The following PTPRK variants were observed in gnomAD, a reference collection of about 807,000 sequenced individuals.
PTPRK encodes receptor-type tyrosine-protein phosphatase kappa.
In PTPRK, 75 loss-of-function variants were observed where a neutral mutation model predicts 178.0. The observed-to-expected ratio is 0.42, with a 90% CI of 0.35 to 0.51. The LOEUF (loss-of-function observed/expected upper bound fraction) is 0.51, where lower values mean the gene tolerates loss of function less well. Among genes scored for constraint, PTPRK ranks in the 20% least tolerant of loss-of-function variants. The pLI is 0.02. For missense variants in PTPRK, 1,441 were observed against 1,797.8 expected, an observed-to-expected ratio of 0.80 and a Z score of 3.59; for synonymous variants, 637 against 620.6, an observed-to-expected ratio of 1.03 and a Z score of -0.39.
Position 128,218,960 on chromosome 6 carries a change from C to T in PTPRK, c.830G>A (p.Gly277Asp). 2.5e-6 allele frequency: 4 copies of T among 1,613,978 alleles called. No individual in the cohort carries two copies. The highest frequency in any genetic ancestry group is 3.4e-6 in the Non-Finnish European group (4 of 1,179,950). The part of the protein sequence containing the change: ...LYRCVTQSER[G>D]SGVSNFAQLI... ...TTGAGCAAAATTGGACACACCGGAA[C>T]CTCGTTCTGACTGAGTTACACAGCG... The change falls in exon 6 of 30, where the codon GGT becomes GAT. Residue 277 changes from glycine (G) to aspartate (D), a missense_variant. This residue lies in a region of PTPRK where 945 missense variants were observed against 1,080.6 expected (regional missense o/e 0.87). Transcript: ENST00000368226.
intron 6 of PTPRK, among the ~76,000 whole-genome samples, chr6:128,204,214 T>C (rs1806504956): frequency 6.6e-6 from 1 of 152,196 alleles, no homozygotes; most frequent in Non-Finnish European, 1.5e-5. Flanking sequence ...GAGAACTGGC[T>C]AGCCAAATGC....
chr6:128,058,834 A>C (rs947820386), intron 13 of PTPRK, among the ~76,000 whole-genome samples: 1 of 151,722 alleles, frequency 6.6e-6, no homozygotes, highest in African/African-American at 2.4e-5. Context: ...TATAACTCTT[A>C]TATGTAGCTG....
chr6:127,986,825 A>G (rs753431256), intron 21 of PTPRK, among the ~76,000 whole-genome samples: 20 of 152,200 alleles, frequency 1.3e-4, no homozygotes, highest in Non-Finnish European at 2.8e-4. Context: ...TTTAGATTCA[A>G]TCTTATACAA....
In PTPRK at chr6:128,005,116, G is replaced by T; in HGVS notation, c.2462C>A (p.Thr821Asn). 6.2e-7 allele frequency: 1 copy of T among 1,610,154 alleles called. No individual in the cohort carries two copies. Among genetic ancestry groups the T allele is most frequent in the Non-Finnish European group, 8.5e-7 (1 of 1,177,672 alleles). The change falls in exon 15 of 30, where the codon ACC becomes AAC. Residue 821 changes from threonine (T) to asparagine (N), a missense_variant. Physicochemically the swap from Thr to Asn is moderately conservative, Grantham distance 65 (BLOSUM62 0). Around this residue, in one of 4 missense-constraint regions of PTPRK, gnomAD observed 945 missense variants for 1,080.6 expected, o/e 0.87. Transcript: ENST00000368226. Reference protein sequence around the residue: ...TLHAEDPLSITFMDQHNFSPR... With the variant: ...TLHAEDPLSINFMDQHNFSPR... ...ACTAAAGTTATGTTGGTCCATGAAG[G>T]TGATGGAAAGAGGATCTTCTGCATG...
At position 128,153,034 on chromosome 6, in the gene PTPRK, C is replaced by T. The variant is rs1025569019; in HGVS notation, c.1162+31398G>A. 2.6e-5 allele frequency among the ~76,000 whole-genome samples: 4 copies of T among 151,878 alleles called. No homozygotes were observed. In the Admixed American group the frequency reaches 2.6e-4, roughly 10 times the overall value. On this transcript the variant is annotated intron_variant, in intron 7 of 29. Transcript: ENST00000368226. The stretch of plus-strand genomic sequence containing the variant: ...ACTAGAATTTGTCATGTGTCTTCCA[C>T]CTCTCTACAACTGAGAACCATGAGG...
At chr6:128,143,097 C>A (rs925690984) in intron 7 of PTPRK, among the ~76,000 whole-genome samples, 3 of 152,088 alleles carry the variant, frequency 2.0e-5, no homozygotes, top group African/African-American at 7.2e-5. Flanking sequence ...CCTTTCTCTT[C>A]TATAATGTAG....
chr6:127,976,589 A>T (rs968705277), intron 27 of PTPRK, 68 bp downstream of exon 27: 66 of 1,575,964 alleles, frequency 4.2e-5, no homozygotes, highest in Non-Finnish European at 4.8e-5. Flanking sequence ...GTCTGAATAA[A>T]ATTATACCAC....
chr6:128,372,464 A>G (rs193211950), intron 2 of PTPRK, among the ~76,000 whole-genome samples: 1 of 152,202 alleles, frequency 6.6e-6, no homozygotes, highest in Non-Finnish European at 1.5e-5. Context: ...CCAACATTCA[A>G]TGTATCAGGA....
At chr6:128,393,178 G>A (rs1206670714) in intron 2 of PTPRK, among the ~76,000 whole-genome samples, 4 of 143,920 alleles carry the variant, frequency 2.8e-5, no homozygotes, top group Admixed American at 7.2e-5. Context: ...TGCAACCTCC[G>A]CCTCCCAGTT....
chr6:128,259,900 T>A (rs1001576241), intron 3 of PTPRK, among the ~76,000 whole-genome samples: 1 of 152,180 alleles, frequency 6.6e-6, no homozygotes, highest in Non-Finnish European at 1.5e-5. Context: ...CTGCTTTCAT[T>A]TTCCAGTCCA....
chr6:128,005,319 C>A (rs1778293335), intron 14 of PTPRK, 75 bp from the exon 15 acceptor site: 1 of 1,414,350 alleles, frequency 7.1e-7, no homozygotes, highest in Middle Eastern at 1.8e-4. Flanking sequence ...AATAAATAGT[C>A]CAGGTGAGCC....
At chr6:128,483,527 C>A (rs1245369614) in intron 1 of PTPRK, among the ~76,000 whole-genome samples, 1 of 151,944 alleles carries the variant, frequency 6.6e-6, no homozygotes, top group Non-Finnish European at 1.5e-5. Context: ...TAATATTGAA[C>A]CTGACTCTCT....
intron 14 of PTPRK, 80 bp from the exon 15 acceptor site, chr6:128,005,324 T>G: frequency 7.2e-7 from 1 of 1,396,028 alleles, no homozygotes; most frequent in South Asian, 1.3e-5. Flanking sequence ...ATAGTCCAGG[T>G]GAGCCCGAGG....
At position 128,259,242 on chromosome 6, in the gene PTPRK, G is replaced by T. The variant is rs376123549; in HGVS notation, c.496-16640C>A. Among the ~76,000 whole-genome samples, 16 of 152,216 alleles carry T rather than the reference G, an allele frequency of 1.1e-4. No individual in the cohort carries two copies. In the South Asian group the frequency reaches 2.9e-3, roughly 28 times the overall value. ...TTCCAGGCTCCACCCTATAGGCTAG[G>T]TTATCACACTACAAATTTTTCAACA... On this transcript the variant is annotated intron_variant, in intron 3 of 29. Transcript: ENST00000368226.
intron 13 of PTPRK, among the ~76,000 whole-genome samples, chr6:128,023,621 A>G (rs1454234026): frequency 6.6e-6 from 1 of 152,086 alleles, no homozygotes; most frequent in East Asian, 1.9e-4. Flanking sequence ...TTTCTCACCT[A>G]GACTATTTTA....
chr6:128,518,755 C>T (rs116994687), intron 1 of PTPRK, among the ~76,000 whole-genome samples: 1,926 of 152,218 alleles, frequency 0.013, 31 homozygotes, highest in Non-Finnish European at 0.018. Flanking sequence ...GAGCTGTTAC[C>T]CTCTGCGTAC....
intron 1 of PTPRK, among the ~76,000 whole-genome samples, chr6:128,507,180 C>T (rs2128440864): frequency 6.6e-6 from 1 of 152,230 alleles, no homozygotes; most frequent in East Asian, 1.9e-4. Flanking sequence ...TGGAGATCAG[C>T]ATTTGATAAG....
Position 128,378,682 on chromosome 6 carries a change from T to C in PTPRK, c.223+18884A>G, listed in dbSNP as rs568421981. Among the ~76,000 whole-genome samples, 17 of 152,220 alleles carry C rather than the reference T, an allele frequency of 1.1e-4. 1 individual carries two copies. The highest frequency in any genetic ancestry group is 5.2e-4 in the Admixed American group (8 of 15,294). ...TACTGCTAATGTATATGCATAATCG[T>C]TCAAAGAAGTCCAAAGAATACTATG... On this transcript the variant is annotated intron_variant, in intron 2 of 29. Transcript: ENST00000368226.
chr6:128,318,737 G>A (rs1238501004), intron 3 of PTPRK, among the ~76,000 whole-genome samples: 2 of 152,124 alleles, frequency 1.3e-5, no homozygotes, highest in African/African-American at 4.8e-5. Context: ...TTAGTTTTAT[G>A]AATACAAGAC....
Sources: allele counts gnomAD v4.1 joint callset (sites outside exome capture counted in the v4.1 genomes callset), GRCh38; gene constraint gnomAD v4.1.1; regional missense constraint gnomAD v4.1.1; transcripts MANE v1.5; gene names NCBI Gene and HGNC (gene_info 2026-07-23, HGNC 2026-07-21).